Variants in LRRC4C observed in about 807,000 individuals in gnomAD.
LRRC4C encodes leucine rich repeat containing 4C, also known as leucine-rich repeat-containing protein 4C.
A neutral mutation model predicts 33.6 loss-of-function variants in LRRC4C; 5 were observed. The ratio of observed to expected loss-of-function variants is 0.15; its 90% CI spans 0.08 to 0.31. LRRC4C has a LOEUF of 0.31. Ranked by LOEUF, LRRC4C falls within the 10% of genes least tolerant of loss-of-function variation. The pLI is 1.00. For missense variants in LRRC4C, 560 were observed against 796.7 expected (o/e 0.70, Z 3.58); for synonymous variants, 329 against 302.0 (o/e 1.09, Z -0.93).
At chr11:41,226,581 T>C (rs1947544592) in intron 1 of LRRC4C, among the ~76,000 whole-genome samples, 1 of 152,010 alleles carries the variant, frequency 6.6e-6, no homozygotes, top group Non-Finnish European at 1.5e-5. Flanking sequence ...TGCTTTTTCT[T>C]TTGCTTACAG....
intron 1 of LRRC4C, among the ~76,000 whole-genome samples, chr11:41,296,087 G>C (rs756348024): frequency 1.3e-5 from 2 of 152,188 alleles, no homozygotes; most frequent in Non-Finnish European, 2.9e-5. Flanking sequence ...AAGGGAGAAT[G>C]AAGTGTGGAT....
At chr11:40,736,123 C>T in intron 2 of LRRC4C, among the ~76,000 whole-genome samples, 1 of 152,040 alleles carries the variant, frequency 6.6e-6, no homozygotes, top group African/African-American at 2.4e-5. Context: ...ATCAAGCAGT[C>T]ATTTACATTA....
intron 1 of LRRC4C, among the ~76,000 whole-genome samples, chr11:41,441,360 C>T (rs1286210620): frequency 6.6e-6 from 1 of 151,964 alleles, no homozygotes; most frequent in Non-Finnish European, 1.5e-5. Flanking sequence ...GTCAGGGTGG[C>T]TGAGATAGGA....
Position 40,410,369 on chromosome 11 carries a change from A to G in LRRC4C, c.-269-90648T>C, listed in dbSNP as rs1410901692. The stretch of plus-strand genomic sequence containing the variant: ...ATTTTACTTTCTTTTTTTGCACTAA[A>G]TCATCAAAGTTTAATATGTAATTTA... On this transcript the variant is annotated intron_variant, in intron 3 of 6. Transcript: ENST00000528697. Among the ~76,000 whole-genome samples, 4 of 152,198 alleles carry G rather than the reference A, an allele frequency of 2.6e-5. No homozygotes were observed. The East Asian group carries it at 7.7e-4, about 29-fold the overall frequency.
At chr11:40,737,041 C>T (rs1014267717) in intron 2 of LRRC4C, among the ~76,000 whole-genome samples, 13 of 152,026 alleles carry the variant, frequency 8.6e-5, no homozygotes, top group Admixed American at 6.5e-5. Context: ...GTTGCCATTG[C>T]TTTTGGTGTT....
At chr11:41,207,043 T>A (rs1347391978) in intron 1 of LRRC4C, among the ~76,000 whole-genome samples, 2 of 152,192 alleles carry the variant, frequency 1.3e-5, no homozygotes, top group African/African-American at 4.8e-5. Context: ...TAGCATGTAT[T>A]CCTTATAAGC....
intron 1 of LRRC4C, among the ~76,000 whole-genome samples, chr11:41,240,276 C>A (rs1470070831): frequency 1.3e-5 from 2 of 152,116 alleles, no homozygotes; most frequent in Non-Finnish European, 2.9e-5. Flanking sequence ...ACAGACATTA[C>A]CGCATCTAAT....
chr11:41,103,418 T>C (rs1941313359), intron 1 of LRRC4C, among the ~76,000 whole-genome samples: 3 of 151,666 alleles, frequency 2.0e-5, no homozygotes, highest in Admixed American at 1.3e-4. Flanking sequence ...CTCATCAGCA[T>C]ATATGGATTG....
intron 1 of LRRC4C, among the ~76,000 whole-genome samples, chr11:40,954,390 A>G (rs1233681968): frequency 6.6e-6 from 1 of 151,852 alleles, no homozygotes; most frequent in African/African-American, 2.4e-5. Context: ...TTTTGTTTCT[A>G]TAATATTTTG....
chr11:41,218,723 C>T (rs1414116660), intron 1 of LRRC4C, among the ~76,000 whole-genome samples: 1 of 150,282 alleles, frequency 6.7e-6, no homozygotes, highest in African/African-American at 2.4e-5. Flanking sequence ...ATTACTATTA[C>T]CCCAAATCAT....
chr11:40,946,097 C>T (rs1179145617), intron 1 of LRRC4C, among the ~76,000 whole-genome samples: 1 of 152,086 alleles, frequency 6.6e-6, no homozygotes, highest in Non-Finnish European at 1.5e-5. Context: ...TGCCCTCCTC[C>T]CTCTAGTAGT....
At chr11:41,139,504 C>T (rs1317480554) in intron 1 of LRRC4C, among the ~76,000 whole-genome samples, 2 of 152,060 alleles carry the variant, frequency 1.3e-5, no homozygotes, top group African/African-American at 4.8e-5. Flanking sequence ...GGGCAATGAA[C>T]GATGGTGGTA....
At chr11:40,362,382 T>C (rs1385006772) in intron 3 of LRRC4C, among the ~76,000 whole-genome samples, 2 of 152,070 alleles carry the variant, frequency 1.3e-5, no homozygotes, top group Admixed American at 6.6e-5. Flanking sequence ...AGGTGTAATA[T>C]CCAGGATATA....
intron 5 of LRRC4C, among the ~76,000 whole-genome samples, chr11:40,143,889 G>A (rs1857542614): frequency 1.3e-5 from 2 of 152,126 alleles, no homozygotes; most frequent in Non-Finnish European, 2.9e-5. Flanking sequence ...CCATTTTATA[G>A]GTGAGGAAAC....
At chr11:40,586,282 G>A (rs2135695304) in intron 3 of LRRC4C, among the ~76,000 whole-genome samples, 1 of 151,694 alleles carries the variant, frequency 6.6e-6, no homozygotes, top group African/African-American at 2.4e-5. Flanking sequence ...CTTTTGAGAA[G>A]CGTCTGTTCA....
At chr11:41,276,819 A>T (rs1302275518) in intron 1 of LRRC4C, among the ~76,000 whole-genome samples, 1 of 152,168 alleles carries the variant, frequency 6.6e-6, no homozygotes, top group Non-Finnish European at 1.5e-5. Context: ...GTAAAGCTAC[A>T]AGCTAAGAAA....
At chr11:40,528,017 A>G (rs1196228290) in intron 3 of LRRC4C, among the ~76,000 whole-genome samples, 2 of 152,192 alleles carry the variant, frequency 1.3e-5, no homozygotes, top group South Asian at 4.1e-4. Context: ...AAGTGCTGAG[A>G]TTAAAGGCAT....
chr11:40,855,062 GT>G lies in LRRC4C; in HGVS notation c.-407+78572del, dbSNP rs756323888. Reference sequence around the variant, plus strand: ...TAATAGCTGATACTTCCATTTCTCTGTTCAAAATGATTGTCAGAATAAAACC... The same window carrying G: ...TAATAGCTGATACTTCCATTTCTCTGTCAAAATGATTGTCAGAATAAAACC... On this transcript the variant is annotated intron_variant, in intron 2 of 6. Coordinates refer to ENST00000528697, the MANE Select transcript of LRRC4C (RefSeq NM_001258419.2). Among the ~76,000 whole-genome samples the G allele has an allele frequency of 2.6e-4, 40 of 152,056 alleles. 1 individual carries two copies. Among genetic ancestry groups the G allele is most frequent in the Non-Finnish European group, 2.5e-4 (17 of 68,000 alleles).
intron 3 of LRRC4C, among the ~76,000 whole-genome samples, chr11:40,330,753 G>T (rs544900467): frequency 6.6e-6 from 1 of 152,098 alleles, no homozygotes; most frequent in Admixed American, 6.6e-5. Context: ...CCATGATTCA[G>T]TTACCTCCCA....
Sources: allele counts gnomAD v4.1 joint callset (sites outside exome capture counted in the v4.1 genomes callset), GRCh38; gene constraint gnomAD v4.1.1; transcripts MANE v1.5; gene names NCBI Gene and HGNC (gene_info 2026-07-23, HGNC 2026-07-21).